Variants in VWA8 observed in about 807,000 individuals in gnomAD.
VWA8 encodes von Willebrand factor A domain containing 8.
In VWA8, 221 loss-of-function variants were observed where a neutral mutation model predicts 241.5. The observed-to-expected ratio is 0.91, with a 90% CI of 0.82 to 1.02. The LOEUF is 1.02. Ranked by LOEUF, VWA8 falls within the 50% of genes least tolerant of loss-of-function variation. The pLI, the probability that VWA8 is intolerant of heterozygous loss-of-function variation, is 0.00. For synonymous variants in VWA8, 852 were observed against 827.1 expected (o/e 1.03, Z -0.52); for missense variants, 2,322 against 2,328.7 (o/e 1.00, Z 0.06).
chr13:41,868,249 G>T, intron 10 of VWA8, 97 bp downstream of exon 10: 1 of 1,369,150 alleles, frequency 7.3e-7, no homozygotes. Context: ...GTACTATCAA[G>T]AGAGAAGACT....
intron 37 of VWA8, among the ~76,000 whole-genome samples, chr13:41,667,226 A>G (rs1381091375): frequency 6.6e-6 from 1 of 152,216 alleles, no homozygotes; most frequent in Non-Finnish European, 1.5e-5. Flanking sequence ...ACTAGAGATT[A>G]TAGAAAAGGC....
At chr13:41,878,152 T>C (rs9566871) in intron 9 of VWA8, among the ~76,000 whole-genome samples, 14,309 of 152,082 alleles carry the variant, frequency 0.094, 859 homozygotes, top group African/African-American at 0.17. Context: ...CAAGGAAAAG[T>C]TAATGTGTAT....
At chr13:41,619,594 T>C (rs2044643737) in intron 37 of VWA8, among the ~76,000 whole-genome samples, 1 of 152,220 alleles carries the variant, frequency 6.6e-6, no homozygotes, top group South Asian at 2.1e-4. Flanking sequence ...CAGTATGATA[T>C]TGGCTGTGGG....
chr13:41,687,548 G>T (rs1435051986), intron 34 of VWA8, among the ~76,000 whole-genome samples: 1 of 152,118 alleles, frequency 6.6e-6, no homozygotes, highest in Admixed American at 6.6e-5. Context: ...GTGTTAGAGG[G>T]CTGGCTAGTC....
At chr13:41,911,127 G>A (rs1244582567) in intron 3 of VWA8, among the ~76,000 whole-genome samples, 2 of 145,570 alleles carry the variant, frequency 1.4e-5, no homozygotes, top group East Asian at 2.0e-4. Context: ...GCAATGGCAC[G>A]ATCTTGGCTC....
intron 20 of VWA8, among the ~76,000 whole-genome samples, chr13:41,776,977 A>G (rs1159290261): frequency 1.3e-5 from 2 of 152,158 alleles, no homozygotes; most frequent in African/African-American, 4.8e-5. Context: ...ATAGAAACCA[A>G]ACTTTAGAAG....
Position 41,959,606 on chromosome 13 carries a change from C to CTTTTTTTTTTTTTTTTT in VWA8, c.163+1230_163+1246dup, listed in dbSNP as rs1168629617. ...ACGAAATACGTGGGACCTAAATATG[C>CTTTTTTTTTTTTTTTTT]TTTTTTTTTTTTTTTTTTTGAGATG... On this transcript the variant is annotated intron_variant, in intron 1 of 44. Coordinates refer to ENST00000379310, the MANE Select transcript of VWA8 (RefSeq NM_015058.2). 4.1e-4 allele frequency among the ~76,000 whole-genome samples: 33 copies of CTTTTTTTTTTTTTTTTT among 79,636 alleles called. 10 individuals are homozygous for CTTTTTTTTTTTTTTTTT. The highest frequency in any genetic ancestry group is 6.3e-4 in the Non-Finnish European group (27 of 42,892). 52.2% of individuals were successfully genotyped at this position (79,636 alleles called of 152,430 possible).
At chr13:41,950,043 T>A in intron 1 of VWA8, 30 bp from the exon 2 acceptor site, 1 of 1,365,114 alleles carries the variant, frequency 7.3e-7, no homozygotes, top group Non-Finnish European at 1.0e-6. Flanking sequence ...ACAGAATAAT[T>A]ATAAGAGACA....
At chr13:41,943,323 C>G (rs1877685968) in intron 2 of VWA8, among the ~76,000 whole-genome samples, 2 of 152,192 alleles carry the variant, frequency 1.3e-5, no homozygotes, top group South Asian at 4.2e-4. Flanking sequence ...ACTACAGATT[C>G]TCAGATATTT....
intron 12 of VWA8, among the ~76,000 whole-genome samples, chr13:41,855,869 T>C (rs577862517): frequency 6.6e-4 from 100 of 152,356 alleles, no homozygotes; most frequent in African/African-American, 2.0e-3. Flanking sequence ...CACTCATACA[T>C]TGATGTACTG....
chr13:41,608,586 C>T (rs1487947011), intron 39 of VWA8, among the ~76,000 whole-genome samples: 1 of 152,146 alleles, frequency 6.6e-6, no homozygotes, highest in African/African-American at 2.4e-5. Context: ...TTATAGGTCA[C>T]ACTTAAATAC....
At chr13:41,906,411 T>C (rs1199205215) in intron 4 of VWA8, among the ~76,000 whole-genome samples, 1 of 152,136 alleles carries the variant, frequency 6.6e-6, no homozygotes, top group African/African-American at 2.4e-5. Context: ...TAAACAAACA[T>C]ATATGCATTT....
chr13:41,793,997 A>G (rs958818266), intron 17 of VWA8, among the ~76,000 whole-genome samples: 3 of 152,054 alleles, frequency 2.0e-5, no homozygotes, highest in African/African-American at 4.8e-5. Flanking sequence ...CCATTGGTCT[A>G]CGTGTCTGTT....
chr13:41,613,365 C>T (rs1192126871), intron 38 of VWA8, among the ~76,000 whole-genome samples: 1 of 152,172 alleles, frequency 6.6e-6, no homozygotes, highest in Non-Finnish European at 1.5e-5. Flanking sequence ...TACTCATGGC[C>T]AGCCAATAGG....
chr13:41,716,017 C>T (rs1164379870), intron 26 of VWA8, among the ~76,000 whole-genome samples: 1 of 151,918 alleles, frequency 6.6e-6, no homozygotes, highest in East Asian at 1.9e-4. Flanking sequence ...CGTATACTTC[C>T]TTATTTGGTT....
intron 2 of VWA8, chr13:41,926,969 T>A: frequency 2.0e-6 from 1 of 506,316 alleles, no homozygotes; most frequent in Non-Finnish European, 3.9e-6. Flanking sequence ...CATTAATCTG[T>A]GATCATCCAC....
chr13:41,739,848 G>GTT (rs1179107917), intron 21 of VWA8, among the ~76,000 whole-genome samples: 4 of 50,894 alleles, frequency 7.9e-5, no homozygotes, highest in African/African-American at 1.3e-4. Flanking sequence ...TGTTTTTTTT[G>GTT]TTTTTTTTGT....
intron 26 of VWA8, among the ~76,000 whole-genome samples, chr13:41,703,860 C>T (rs1282467413): frequency 6.6e-6 from 1 of 151,598 alleles, no homozygotes; most frequent in Non-Finnish European, 1.5e-5. Context: ...TCACCACAAC[C>T]TCTGCCTCCT....
intron 2 of VWA8, chr13:41,926,300 A>G: frequency 1.6e-6 from 1 of 614,912 alleles, no homozygotes; most frequent in Non-Finnish European, 3.1e-6. Context: ...ACTTGATACT[A>G]AATGATTTTG....
Sources: gnomAD v4.1 joint callset for allele counts (sites outside exome capture counted in the v4.1 genomes callset) on GRCh38, gnomAD v4.1.1 for gene constraint, MANE v1.5 for transcripts, NCBI Gene and HGNC (gene_info 2026-07-23, HGNC 2026-07-21) for gene names.